DSG2: variants seen among roughly 807,000 people sequenced by gnomAD.
DSG2 encodes desmoglein 2, also known as desmoglein-2.
In DSG2, 45 loss-of-function variants were observed where a neutral mutation model predicts 75.6. The ratio of observed to expected loss-of-function variants is 0.60; its 90% confidence interval spans 0.47 to 0.76. DSG2 has a LOEUF of 0.76. DSG2 is among the 30% of genes least tolerant of loss of function. DSG2 has a pLI of 0.00. For synonymous variants in DSG2, 429 were observed against 483.9 expected (o/e 0.89, Z 1.49); for missense variants, 1,267 against 1,357.4 (o/e 0.93, Z 1.05).
rs185022444 is a variant in DSG2 at position 31,539,476 on chromosome 18, G to T, written c.1879+498G>T. 2.7e-3 allele frequency among the ~76,000 whole-genome samples: 411 copies of T among 152,220 alleles called. 1 individual carries two copies. The highest frequency in any genetic ancestry group is 3.8e-3 in the Non-Finnish European group (258 of 68,018). On this transcript the variant is annotated intron_variant, in intron 12 of 14. Transcript: ENST00000261590. Reference sequence around the variant, plus strand: ...TATTCCCCGCTTGCCTTGTTTCTTCGTCAGCACCAAAAGTAGGCAGACCCT... The same window carrying T: ...TATTCCCCGCTTGCCTTGTTTCTTCTTCAGCACCAAAAGTAGGCAGACCCT...
rs1568106929 is a variant in DSG2, at chr18:31,524,870, A to G, written c.996A>G (p.Gly332=). The G allele has an allele frequency of 1.3e-5, 21 of 1,614,090 alleles. No homozygotes were observed. Among genetic ancestry groups the G allele is most frequent in the Non-Finnish European group, 1.7e-5 (20 of 1,180,036 alleles). ...AAACAGATGCTCAAACTAACGAAGGAATTGTGACCCTTATTAAGGTAAGTA... is the reference window on the plus strand; with the variant it reads ...AAACAGATGCTCAAACTAACGAAGGGATTGTGACCCTTATTAAGGTAAGTA... ...HIETDAQTNE[G]IVTLIKEVDY... is the part of the protein sequence containing the mutation. Residue 332 remains glycine (G), a synonymous_variant, in exon 8 of 15, where the codon GGA becomes GGG. Coordinates refer to ENST00000261590, the MANE Select transcript of DSG2 (RefSeq NM_001943.5).
In DSG2 at chr18:31,542,725, C is replaced by A; in HGVS notation, c.2207C>A (p.Thr736Lys). Reference protein sequence around the residue: ...SGRATQFTGATGAIMTTETTK... With the variant: ...SGRATQFTGAKGAIMTTETTK... ...AGAGCTACCCAGTTTACAGGGGCCA[C>A]AGGCGCTATCATGACCACTGAAACC... Residue 736 changes from threonine (T) to lysine (K), a missense_variant, in exon 14 of 15, where the codon ACA becomes AAA. Coordinates refer to ENST00000261590, the MANE Select transcript of DSG2 (RefSeq NM_001943.5). 1 of 1,614,222 alleles carries A rather than the reference C, an allele frequency of 6.2e-7. No homozygotes were observed. Among genetic ancestry groups the A allele is most frequent in the South Asian group, 1.1e-5 (1 of 91,082 alleles).
rs777320582 is a variant in DSG2, at chr18:31,531,095, A to G, written c.1123A>G (p.Ile375Val). Reference protein sequence around the residue: ...RSKYKPTPIPIKVKVKNVKEG... With the variant: ...RSKYKPTPIPVKVKVKNVKEG... ...TAAATACAAGCCTACACCCATTCCCATCAAGGTCAAAGTGAAAAATGTGAA... is the reference window on the plus strand; with the variant it reads ...TAAATACAAGCCTACACCCATTCCCGTCAAGGTCAAAGTGAAAAATGTGAA... The change falls in exon 9 of 15, where the codon ATC becomes GTC. Residue 375 changes from isoleucine to valine, a missense_variant. Physicochemically the swap from Ile to Val is conservative, Grantham distance 29. Coordinates refer to ENST00000261590, the MANE Select transcript of DSG2 (RefSeq NM_001943.5). The G allele has an allele frequency of 1.9e-6, 3 of 1,614,120 alleles. No individual in the cohort carries two copies. The highest frequency in any genetic ancestry group is 2.2e-5 in the East Asian group (1 of 44,858).
intron 1 of DSG2, among the ~76,000 whole-genome samples, chr18:31,510,643 G>C (rs1415680135): frequency 6.6e-6 from 1 of 151,882 alleles, no homozygotes; most frequent in African/African-American, 2.4e-5. Flanking sequence ...TTTATAAGAT[G>C]TGCAGGATCC....
intron 1 of DSG2, among the ~76,000 whole-genome samples, chr18:31,517,058 G>T (rs1422184610): frequency 1.3e-5 from 2 of 152,228 alleles, no homozygotes; most frequent in South Asian, 2.1e-4. Flanking sequence ...GCCAAGAGAA[G>T]AAGGAAGCCA....
Position 31,546,203 on chromosome 18 carries a change from C to A in DSG2, c.2817C>A (p.Ser939=). The A allele has an allele frequency of 6.2e-7, 1 of 1,613,532 alleles. No homozygotes were observed. The highest frequency in any genetic ancestry group is 8.5e-7 in the Non-Finnish European group (1 of 1,179,648). The change falls in exon 15 of 15, where the codon TCC becomes TCA. Residue 939 remains serine (S), a synonymous_variant. Coordinates refer to ENST00000261590, the MANE Select transcript of DSG2 (RefSeq NM_001943.5). ...GAAATGTGATAGCAACAGAAACTTCCTATGTCACAGGGTCCACTATGCCAC... is the reference window on the plus strand; with the variant it reads ...GAAATGTGATAGCAACAGAAACTTCATATGTCACAGGGTCCACTATGCCAC... The part of the protein sequence containing the change: ...ASRNVIATET[S]YVTGSTMPPT...
chr18:31,520,708 A>G, intron 3 of DSG2, 95 bp from the exon 4 acceptor site: 1 of 1,316,434 alleles, frequency 7.6e-7, no homozygotes, highest in South Asian at 1.3e-5. Flanking sequence ...TTACCTGTAA[A>G]TTATAGAGAA....
chr18:31,541,851 T>C (rs2144351795), intron 13 of DSG2, among the ~76,000 whole-genome samples: 1 of 152,328 alleles, frequency 6.6e-6, no homozygotes, highest in South Asian at 2.1e-4. Flanking sequence ...GAACTCAGAA[T>C]AACAGTGGCT....
chr18:31,545,754 C>T lies in DSG2; in HGVS notation c.2368C>T (p.His790Tyr), dbSNP rs114544564. 2.6e-4 allele frequency: 422 copies of T among 1,614,060 alleles called. No homozygotes were observed. The African/African-American group carries it at 4.3e-3, about 17-fold the overall frequency. The change falls in exon 15 of 15, where the codon CAC becomes TAC. Residue 790 changes from histidine to tyrosine, a missense_variant. Transcript: ENST00000261590. Reference sequence around the variant, plus strand: ...CTCTTACACTGAGGAAGATGAAAATCACACAGCCAAAGATTGCCTTCTGGT... The same window carrying T: ...CTCTTACACTGAGGAAGATGAAAATTACACAGCCAAAGATTGCCTTCTGGT... ...AASYTEEDENHTAKDCLLVYS... is the reference protein window; with the variant it reads ...AASYTEEDENYTAKDCLLVYS...
In DSG2 at chr18:31,542,727, G is replaced by A; in HGVS notation, c.2209G>A (p.Gly737Ser). 1 of 1,614,210 alleles carries A rather than the reference G, an allele frequency of 6.2e-7. No individual in the cohort carries two copies. The highest frequency in any genetic ancestry group is 8.5e-7 in the Non-Finnish European group (1 of 1,180,042). ...GRATQFTGAT[G>S]AIMTTETTKT... Reference sequence around the variant, plus strand: ...AGCTACCCAGTTTACAGGGGCCACAGGCGCTATCATGACCACTGAAACCAC... The same window carrying A: ...AGCTACCCAGTTTACAGGGGCCACAAGCGCTATCATGACCACTGAAACCAC... Residue 737 changes from glycine (G) to serine (S), a missense_variant, in exon 14 of 15, where the codon GGC (glycine) becomes AGC (serine). Coordinates refer to ENST00000261590, the MANE Select transcript of DSG2 (RefSeq NM_001943.5).
chr18:31,528,593 C>G (rs1194199172), intron 8 of DSG2, among the ~76,000 whole-genome samples: 2 of 151,754 alleles, frequency 1.3e-5, no homozygotes, highest in East Asian at 1.9e-4. Flanking sequence ...GCCTATAATT[C>G]CAGCTGCTTG....
chr18:31,546,054 G>A lies in DSG2; in HGVS notation c.2668G>A (p.Val890Ile). ...NTYSSGSSFP[V>I]PKSLQEANAE... Reference sequence around the variant, plus strand: ...CTACTCCTCTGGCAGTAGCTTCCCAGTTCCAAAATCTTTGCAAGAAGCCAA... The same window carrying A: ...CTACTCCTCTGGCAGTAGCTTCCCAATTCCAAAATCTTTGCAAGAAGCCAA... The change falls in exon 15 of 15, where the codon GTT (valine) becomes ATT (isoleucine). Residue 890 changes from valine (V) to isoleucine (I), a missense_variant. Physicochemically the swap from Val to Ile is conservative, Grantham distance 29. Coordinates refer to ENST00000261590, the MANE Select transcript of DSG2 (RefSeq NM_001943.5). 1 of 1,614,176 alleles carries A rather than the reference G, an allele frequency of 6.2e-7. No individual in the cohort carries two copies.
intron 14 of DSG2, among the ~76,000 whole-genome samples, chr18:31,545,267 A>G (rs936761314): frequency 6.6e-6 from 1 of 152,158 alleles, no homozygotes; most frequent in Non-Finnish European, 1.5e-5. Context: ...ATTTTGCCAC[A>G]TTTGCTATTT....
chr18:31,541,676 C>T (rs1335385072), intron 13 of DSG2, among the ~76,000 whole-genome samples: 1 of 152,140 alleles, frequency 6.6e-6, no homozygotes, highest in Admixed American at 6.5e-5. Flanking sequence ...CAGAGGTAAG[C>T]CCACAACCCC....
At position 31,546,372 on chromosome 18, in the gene DSG2, G is replaced by A; in HGVS notation, c.2986G>A (p.Gly996Arg). 1.9e-6 allele frequency: 3 copies of A among 1,614,056 alleles called. No individual in the cohort carries two copies. Among genetic ancestry groups the A allele is most frequent in the Non-Finnish European group, 2.5e-6 (3 of 1,179,946 alleles). Residue 996 changes from glycine (G) to arginine (R), a missense_variant, in exon 15 of 15, where the codon GGG (glycine) becomes AGG (arginine). By Grantham distance (125) the Gly-to-Arg change is moderately radical. Coordinates refer to ENST00000261590, the MANE Select transcript of DSG2 (RefSeq NM_001943.5). The stretch of plus-strand genomic sequence containing the variant: ...CACTGAAAGAGTAATACAGCCTCAT[G>A]GGGGTGGATCGAATCCTCTGGAAGG... ...VVTERVIQPH[G>R]GGSNPLEGTQ...
chr18:31,531,386 A>G (rs2073197987), intron 9 of DSG2, 134 bp downstream of exon 9: 2 of 1,123,796 alleles, frequency 1.8e-6, no homozygotes, highest in Non-Finnish European at 2.5e-6. Context: ...TACAAGTTAA[A>G]TTTTCCAAAG....
At chr18:31,538,622 T>C (rs2073246484) in intron 11 of DSG2, 129 bp from the exon 12 acceptor site, 2 of 828,924 alleles carry the variant, frequency 2.4e-6, no homozygotes, top group East Asian at 2.7e-5. Flanking sequence ...CTTCAATAAG[T>C]GAAGGAAGAA....
At chr18:31,515,382 G>C (rs183915618) in intron 1 of DSG2, among the ~76,000 whole-genome samples, 1 of 152,132 alleles carries the variant, frequency 6.6e-6, no homozygotes. Flanking sequence ...TGGGATTACA[G>C]GTGTGAGCCA....
chr18:31,538,629 A>G, intron 11 of DSG2, 122 bp from the exon 12 acceptor site: 1 of 855,344 alleles, frequency 1.2e-6, no homozygotes, highest in East Asian at 2.6e-5. Context: ...AAGTGAAGGA[A>G]GAACAAAGTA....
Sources: allele counts gnomAD v4.1 joint callset (sites outside exome capture counted in the v4.1 genomes callset), GRCh38; gene constraint gnomAD v4.1.1; transcripts MANE v1.5; gene names NCBI Gene and HGNC (gene_info 2026-07-23, HGNC 2026-07-21).